Variants in CDK14 observed in about 807,000 individuals in gnomAD.
The protein encoded by CDK14 is cyclin dependent kinase 14.
In CDK14, 34 loss-of-function variants were observed where a neutral mutation model predicts 60.7. That is an observed-to-expected ratio of 0.56 (90% CI 0.43 to 0.75). The LOEUF is 0.75. Ranked by LOEUF, CDK14 falls within the 30% of genes least tolerant of loss-of-function variation. CDK14 has a pLI of 0.00. For missense variants in CDK14, 482 were observed against 564.1 expected (o/e 0.85, Z 1.47); for synonymous variants, 197 against 203.7 (o/e 0.97, Z 0.28).
At chr7:90,650,145 A>G (rs1023467972) in intron 2 of CDK14, among the ~76,000 whole-genome samples, 1 of 152,120 alleles carries the variant, frequency 6.6e-6, no homozygotes, top group Non-Finnish European at 1.5e-5. Flanking sequence ...TTTAATGATC[A>G]CCATTCTAAC....
At chr7:91,151,974 T>A (rs111673334) in intron 14 of CDK14, among the ~76,000 whole-genome samples, 6 of 152,332 alleles carry the variant, frequency 3.9e-5, no homozygotes, top group African/African-American at 1.4e-4. Flanking sequence ...GTTATACCCA[T>A]GCATTACATA....
At chr7:90,634,356 A>G (rs543063765) in intron 2 of CDK14, among the ~76,000 whole-genome samples, 85 of 138,670 alleles carry the variant, frequency 6.1e-4, no homozygotes, top group African/African-American at 2.2e-3. Context: ...TCATTGTTCA[A>G]TTCCCATCTA....
intron 5 of CDK14, among the ~76,000 whole-genome samples, chr7:90,808,999 T>G (rs1201376021): frequency 2.0e-5 from 3 of 152,148 alleles, no homozygotes; most frequent in African/African-American, 7.2e-5. Flanking sequence ...CGAAGAGACT[T>G]AGACTCCCAT....
intron 5 of CDK14, among the ~76,000 whole-genome samples, chr7:90,794,525 T>C (rs1805973832): frequency 6.6e-6 from 1 of 152,164 alleles, no homozygotes; most frequent in South Asian, 2.1e-4. Context: ...TGTTCTTTGC[T>C]GAGAAAAAGA....
intron 6 of CDK14, among the ~76,000 whole-genome samples, chr7:90,869,900 A>G (rs540337481): frequency 9.9e-5 from 15 of 152,260 alleles, no homozygotes; most frequent in Admixed American, 7.8e-4. Context: ...ATCTTTGCCA[A>G]TGTTGCCAAA....
chr7:90,783,139 T>A (rs1276727481), intron 4 of CDK14, among the ~76,000 whole-genome samples: 1 of 152,194 alleles, frequency 6.6e-6, no homozygotes, highest in Non-Finnish European at 1.5e-5. Flanking sequence ...ATTATGAGTT[T>A]GTATATTTGA....
chr7:90,986,005 C>A (rs1449789624), intron 10 of CDK14, among the ~76,000 whole-genome samples: 1 of 151,852 alleles, frequency 6.6e-6, no homozygotes, highest in Non-Finnish European at 1.5e-5. Context: ...TCCTACTACC[C>A]AGAGAAAACC....
chr7:90,877,167 G>C (rs1055478820), intron 6 of CDK14, among the ~76,000 whole-genome samples: 5 of 152,094 alleles, frequency 3.3e-5, no homozygotes, highest in Non-Finnish European at 7.4e-5. Flanking sequence ...GTGTATAAAG[G>C]AATATATAGG....
intron 5 of CDK14, among the ~76,000 whole-genome samples, chr7:90,803,344 A>G (rs202100318): frequency 6.6e-6 from 1 of 152,164 alleles, no homozygotes; most frequent in East Asian, 1.9e-4. Flanking sequence ...TAGAGAGACA[A>G]AAAGGCACCC....
chr7:90,915,714 C>T (rs1408741321), intron 7 of CDK14, among the ~76,000 whole-genome samples: 1 of 152,192 alleles, frequency 6.6e-6, no homozygotes, highest in Admixed American at 6.5e-5. Context: ...GAATCAGACT[C>T]TCTGGGTTTG....
chr7:90,612,666 G>C (rs895870849), intron 2 of CDK14, among the ~76,000 whole-genome samples: 1 of 151,642 alleles, frequency 6.6e-6, no homozygotes, highest in African/African-American at 2.4e-5. Context: ...CAGCTACTCG[G>C]GAGGCTGAGG....
At chr7:90,659,378 T>A (rs1800815780) in intron 2 of CDK14, among the ~76,000 whole-genome samples, 1 of 152,198 alleles carries the variant, frequency 6.6e-6, no homozygotes, top group African/African-American at 2.4e-5. Flanking sequence ...CCCAAAGGGT[T>A]AGATTATATG....
chr7:90,805,020 T>C (rs1788768309), intron 5 of CDK14, among the ~76,000 whole-genome samples: 1 of 152,134 alleles, frequency 6.6e-6, no homozygotes, highest in African/African-American at 2.4e-5. Context: ...AATTGAGGCC[T>C]AGACATAAAT....
intron 5 of CDK14, among the ~76,000 whole-genome samples, chr7:90,836,556 C>T (rs73709903): frequency 0.033 from 5,031 of 152,122 alleles, 115 homozygotes; most frequent in African/African-American, 0.068. Flanking sequence ...GAATACCTCC[C>T]GAAGAACCTG....
chr7:90,667,700 G>C (rs965859980), intron 2 of CDK14, among the ~76,000 whole-genome samples: 1 of 151,912 alleles, frequency 6.6e-6, no homozygotes, highest in Non-Finnish European at 1.5e-5. Context: ...CTCCTGAGTA[G>C]CTGGGACTAT....
chr7:90,924,054 G>A (rs1387948029), intron 8 of CDK14, among the ~76,000 whole-genome samples: 3 of 152,188 alleles, frequency 2.0e-5, no homozygotes, highest in Non-Finnish European at 4.4e-5. Flanking sequence ...AAGTGTCTTA[G>A]TCTGTTTCTT....
chr7:90,993,756 A>AT (rs993282989), intron 10 of CDK14, among the ~76,000 whole-genome samples: 38 of 152,278 alleles, frequency 2.5e-4, no homozygotes, highest in African/African-American at 8.7e-4. Flanking sequence ...TTTTTAATCT[A>AT]TTTTTTATCT....
chr7:90,858,201 A>G (rs987875943), intron 5 of CDK14, among the ~76,000 whole-genome samples: 2 of 152,186 alleles, frequency 1.3e-5, no homozygotes, highest in Non-Finnish European at 2.9e-5. Context: ...TTTCTATAAT[A>G]TTAGTCACTT....
At chr7:90,738,091 T>C (rs892969879) in intron 3 of CDK14, among the ~76,000 whole-genome samples, 4 of 150,912 alleles carry the variant, frequency 2.7e-5, no homozygotes, top group African/African-American at 9.7e-5. Flanking sequence ...TAATATTTCC[T>C]CTATGTGGGT....
Sources: gnomAD v4.1 joint callset for allele counts (sites outside exome capture counted in the v4.1 genomes callset) on GRCh38, gnomAD v4.1.1 for gene constraint, MANE v1.5 for transcripts, NCBI Gene and HGNC (gene_info 2026-07-23, HGNC 2026-07-21) for gene names.